The following AOAH variants were observed in gnomAD, a reference collection of about 807,000 sequenced individuals.
AOAH encodes acyloxyacyl hydrolase.
A neutral mutation model predicts 92.2 loss-of-function variants in AOAH; 64 were observed. That is an observed-to-expected ratio of 0.69 (90% confidence interval 0.57 to 0.86). The LOEUF is 0.86. Ranked by LOEUF, AOAH falls within the 40% of genes least tolerant of loss-of-function variation. AOAH has a pLI of 0.00. For synonymous variants in AOAH, 263 were observed against 254.5 expected, an observed-to-expected ratio of 1.03 and a Z score of -0.32; for missense variants, 656 against 694.6, an observed-to-expected ratio of 0.94 and a Z score of 0.62.
At chr7:36,698,286 G>GT (rs1228444573) in intron 1 of AOAH, among the ~76,000 whole-genome samples, 2 of 152,018 alleles carry the variant, frequency 1.3e-5, no homozygotes, top group African/African-American at 4.8e-5. Context: ...GTCCCGTCTT[G>GT]TTTTATTCTT....
intron 5 of AOAH, among the ~76,000 whole-genome samples, chr7:36,637,114 G>A (rs529155609): frequency 3.9e-5 from 6 of 152,286 alleles, no homozygotes; most frequent in South Asian, 2.1e-4. Flanking sequence ...AGTCAAATAC[G>A]TAAGCCTGCG....
At position 36,606,608 on chromosome 7, in the gene AOAH, A is replaced by G. The variant is rs183467840; in HGVS notation, c.846+9772T>C. On this transcript the variant is annotated intron_variant, in intron 11 of 20. Coordinates refer to ENST00000617537, the MANE Select transcript of AOAH (RefSeq NM_001637.4). The stretch of plus-strand genomic sequence containing the variant: ...TGTCATGCAATTCTGATTCAGTGAA[A>G]TGCAGCATTTAATATGTTGGAAATA... 3.5e-4 allele frequency among the ~76,000 whole-genome samples: 54 copies of G among 152,330 alleles called. 1 individual carries two copies. The East Asian group carries it at 9.8e-3, about 28-fold the overall frequency.
At chr7:36,667,077 T>A (rs1324874983) in intron 3 of AOAH, among the ~76,000 whole-genome samples, 1 of 152,236 alleles carries the variant, frequency 6.6e-6, no homozygotes, top group African/African-American at 2.4e-5. Context: ...TATATCTGGT[T>A]GATTGATAGT....
chr7:36,676,733 C>G (rs1796276869), intron 2 of AOAH, among the ~76,000 whole-genome samples: 1 of 152,148 alleles, frequency 6.6e-6, no homozygotes, highest in Non-Finnish European at 1.5e-5. Flanking sequence ...ATCAAGATAG[C>G]ATGGTATTAA....
At chr7:36,718,092 G>T (rs1425355371) in intron 1 of AOAH, among the ~76,000 whole-genome samples, 1 of 151,898 alleles carries the variant, frequency 6.6e-6, no homozygotes, top group East Asian at 1.9e-4. Flanking sequence ...AATATATGGA[G>T]AATTTTTGCA....
chr7:36,686,685 C>T lies in AOAH; in HGVS notation c.223+14G>A, dbSNP rs139716149. ...CAAGCAGACCCTCAGCAGTATGACT[C>T]GTCCCATATTTACCAGGCAGGTAGC... is the stretch of plus-strand genomic sequence containing the variant. On this transcript the variant is annotated intron_variant, in intron 2 of 20. Transcript: ENST00000617537. The T allele has an allele frequency of 5.2e-4, 768 of 1,487,966 alleles. 3 individuals are homozygous for T. The African/African-American group carries it at 9.6e-3, about 19-fold the overall frequency. 92.2% of individuals were successfully genotyped at this position (1,487,966 alleles called of 1,614,324 possible).
At chr7:36,517,230 C>CTA (rs1205876365) in intron 20 of AOAH, among the ~76,000 whole-genome samples, 1 of 83,106 alleles carries the variant, frequency 1.2e-5, no homozygotes, top group Non-Finnish European at 2.4e-5. Flanking sequence ...CTTTCTGTCT[C>CTA]TCTCTCTCTC....
rs567859012 is a variant in AOAH at position 36,556,233 on chromosome 7, C to T, written c.1022-6758G>A. Reference sequence around the variant, plus strand: ...AACATCTTTATTTCTGCCTTCATTTCGTTATGTACCCAGTAGTCATTCAGA... The same window carrying T: ...AACATCTTTATTTCTGCCTTCATTTTGTTATGTACCCAGTAGTCATTCAGA... On this transcript the variant is annotated intron_variant, in intron 13 of 20. Transcript: ENST00000617537. 1.4e-3 allele frequency among the ~76,000 whole-genome samples: 212 copies of T among 152,154 alleles called. 2 individuals carry two copies. The highest frequency in any genetic ancestry group is 3.4e-3 in the Middle Eastern group (1 of 294).
intron 4 of AOAH, among the ~76,000 whole-genome samples, chr7:36,647,750 C>T (rs1794307816): frequency 6.6e-6 from 1 of 151,788 alleles, no homozygotes; most frequent in Non-Finnish European, 1.5e-5. Flanking sequence ...CTGGCAAGAT[C>T]ATGTGAAATG....
intron 5 of AOAH, 119 bp downstream of exon 5, chr7:36,637,732 C>A: frequency 1.2e-6 from 1 of 856,348 alleles, no homozygotes; most frequent in Non-Finnish European, 1.9e-6. Context: ...CCCCACGTAG[C>A]TATGGCATGT....
intron 19 of AOAH, among the ~76,000 whole-genome samples, chr7:36,527,076 C>A (rs1376323978): frequency 6.6e-6 from 1 of 152,146 alleles, no homozygotes; most frequent in Admixed American, 6.5e-5. Context: ...ATCACCTGCT[C>A]AAGTTGGCAT....
chr7:36,602,096 CTT>C (rs755831370), intron 11 of AOAH, among the ~76,000 whole-genome samples: 2 of 152,188 alleles, frequency 1.3e-5, no homozygotes, highest in Non-Finnish European at 2.9e-5. Flanking sequence ...AGCCTTTCCT[CTT>C]TGACCCTCTG....
chr7:36,637,787 G>C (rs1007211284), intron 5 of AOAH, 64 bp downstream of exon 5: 3 of 1,477,652 alleles, frequency 2.0e-6, no homozygotes, highest in African/African-American at 2.8e-5. Context: ...GGATGTGAAA[G>C]CCGGGGCCAG....
At chr7:36,684,130 C>T (rs1414618372) in intron 2 of AOAH, among the ~76,000 whole-genome samples, 2 of 152,138 alleles carry the variant, frequency 1.3e-5, no homozygotes, top group African/African-American at 4.8e-5. Flanking sequence ...AAGCCTCAGG[C>T]TTGATATGTA....
At chr7:36,531,346 T>A (rs973293141) in intron 18 of AOAH, among the ~76,000 whole-genome samples, 1 of 152,094 alleles carries the variant, frequency 6.6e-6, no homozygotes, top group African/African-American at 2.4e-5. Flanking sequence ...CTTTTGTCTG[T>A]TTGTTCATTT....
intron 19 of AOAH, among the ~76,000 whole-genome samples, chr7:36,528,031 G>A (rs757738291): frequency 2.6e-5 from 4 of 152,158 alleles, no homozygotes; most frequent in Admixed American, 1.3e-4. Flanking sequence ...TGGACATGGC[G>A]GCACCTAGAC....
At chr7:36,517,164 T>G (rs1042985334) in intron 20 of AOAH, among the ~76,000 whole-genome samples, 24 of 45,444 alleles carry the variant, frequency 5.3e-4, no homozygotes, top group African/African-American at 1.7e-3. Context: ...TAGTCTTTCT[T>G]TCTTTCTTTC....
intron 20 of AOAH, among the ~76,000 whole-genome samples, chr7:36,520,486 A>C (rs548387904): frequency 2.0e-5 from 3 of 152,348 alleles, no homozygotes; most frequent in African/African-American, 7.2e-5. Flanking sequence ...CGGGCAGCTC[A>C]CCTGAGGGTG....
At chr7:36,655,053 G>GT (rs1794795259) in intron 4 of AOAH, among the ~76,000 whole-genome samples, 1 of 152,186 alleles carries the variant, frequency 6.6e-6, no homozygotes, top group African/African-American at 2.4e-5. Context: ...CATATACCAA[G>GT]TAAGTATGTG....
Sources: allele counts gnomAD v4.1 joint callset (sites outside exome capture counted in the v4.1 genomes callset), GRCh38; gene constraint gnomAD v4.1.1; transcripts MANE v1.5; gene names NCBI Gene and HGNC (gene_info 2026-07-23, HGNC 2026-07-21).